SLC38A6: variants seen among roughly 807,000 people sequenced by gnomAD.
SLC38A6 encodes N system amino acid transporter NAT-1.
In SLC38A6, 73 loss-of-function variants were observed where a neutral mutation model predicts 65.0. The ratio of observed to expected loss-of-function variants is 1.12; its 90% CI spans 0.93 to 1.37. SLC38A6 has a LOEUF of 1.37. Among genes scored for constraint, SLC38A6 ranks in the 40% most tolerant of loss-of-function variants. The pLI, the probability that SLC38A6 is intolerant of heterozygous loss-of-function variation, is 0.00. For missense variants in SLC38A6, 561 were observed against 531.1 expected (o/e 1.06, Z -0.55); for synonymous variants, 183 against 178.8 (o/e 1.02, Z -0.19).
chr14:61,029,481 T>C (rs1448425152), intron 5 of SLC38A6, among the ~76,000 whole-genome samples: 5 of 152,138 alleles, frequency 3.3e-5, no homozygotes, highest in African/African-American at 1.2e-4. Flanking sequence ...ACATAATCTC[T>C]GGGAGGAAAG....
At chr14:61,035,991 T>C (rs982810859) in intron 6 of SLC38A6, among the ~76,000 whole-genome samples, 2 of 152,180 alleles carry the variant, frequency 1.3e-5, no homozygotes, top group African/African-American at 4.8e-5. Flanking sequence ...TTTCTCATTC[T>C]GTATTCTAAT....
chr14:61,078,360 A>G (rs951664086), intron 15 of SLC38A6, among the ~76,000 whole-genome samples: 1 of 152,240 alleles, frequency 6.6e-6, no homozygotes, highest in Admixed American at 6.5e-5. Flanking sequence ...AATACTAACA[A>G]TATGTACAGG....
intron 3 of SLC38A6, among the ~76,000 whole-genome samples, chr14:61,005,012 A>G (rs542369073): frequency 4.5e-4 from 69 of 152,172 alleles, no homozygotes; most frequent in African/African-American, 1.5e-3. Flanking sequence ...CTTCATCCCT[A>G]GGATGCAAGG....
chr14:61,039,452 C>A (rs1270320258), intron 8 of SLC38A6, among the ~76,000 whole-genome samples: 1 of 151,620 alleles, frequency 6.6e-6, no homozygotes, highest in African/African-American at 2.4e-5. Flanking sequence ...TTCACTGTGA[C>A]TTACATCTCC....
At chr14:61,077,489 GA>G (rs2043464433) in intron 15 of SLC38A6, among the ~76,000 whole-genome samples, 1 of 151,936 alleles carries the variant, frequency 6.6e-6, no homozygotes, top group African/African-American at 2.4e-5. Context: ...TCAGAATTCA[GA>G]AAAAAACACA....
intron 3 of SLC38A6, among the ~76,000 whole-genome samples, chr14:61,009,928 C>G (rs935415490): frequency 1.4e-4 from 21 of 152,174 alleles, no homozygotes; most frequent in African/African-American, 4.3e-4. Flanking sequence ...AATGGTATTT[C>G]TAGTTCTAGA....
At chr14:61,026,144 G>A (rs774709430) in intron 5 of SLC38A6, among the ~76,000 whole-genome samples, 2 of 152,078 alleles carry the variant, frequency 1.3e-5, no homozygotes, top group Non-Finnish European at 2.9e-5. Flanking sequence ...ATTAGGGTTG[G>A]TTTGTTTTTT....
At chr14:61,048,205 A>G (rs1239246425) in intron 12 of SLC38A6, 1 of 450,620 alleles carries the variant, frequency 2.2e-6, no homozygotes, top group Middle Eastern at 3.3e-4. Flanking sequence ...CTGAGATCTT[A>G]TAAGGGCTAG....
chr14:60,994,568 A>G (rs985880563), intron 3 of SLC38A6, among the ~76,000 whole-genome samples: 2 of 151,368 alleles, frequency 1.3e-5, no homozygotes, highest in African/African-American at 4.9e-5. Context: ...GCTGGGCATG[A>G]TGGCGGGCAC....
chr14:61,051,660 G>C (rs953027151), intron 13 of SLC38A6, 127 bp from the exon 14 acceptor site: 29 of 902,614 alleles, frequency 3.2e-5, no homozygotes, highest in Non-Finnish European at 4.3e-5. Flanking sequence ...AATAGTTTAT[G>C]CTGTATTTTT....
At chr14:61,048,302 G>T (rs1594743986) in intron 12 of SLC38A6, 3 of 357,804 alleles carry the variant, frequency 8.4e-6, no homozygotes, top group South Asian at 2.2e-5. Flanking sequence ...TTAAAGGCAG[G>T]TTTCCTGAAT....
chr14:61,016,097 A>G (rs2039991940), intron 4 of SLC38A6, 141 bp downstream of exon 4: 1 of 531,890 alleles, frequency 1.9e-6, no homozygotes. Flanking sequence ...AGAGAATGAT[A>G]GGAGCAGGCA....
intron 15 of SLC38A6, chr14:61,078,729 ATCT>A (rs1242608143): frequency 1.0e-5 from 1 of 96,686 alleles, no homozygotes; most frequent in Non-Finnish European, 2.1e-5. Flanking sequence ...GACCTCTGGC[ATCT>A]TTTTTTTTTT....
Position 61,052,454 on chromosome 14 carries a change from A to G in SLC38A6, c.*25A>G. 1.9e-6 allele frequency: 3 copies of G among 1,557,912 alleles called. No individual in the cohort carries two copies. Among genetic ancestry groups the G allele is most frequent in the South Asian group, 1.3e-5 (1 of 79,842 alleles). On this transcript the variant is annotated 3_prime_UTR_variant, in exon 16 of 16. Coordinates refer to ENST00000267488, the MANE Select transcript of SLC38A6 (RefSeq NM_153811.3). ...AAAGAAATATTTTCCTACTTCTTAC[A>G]AGAATAATATACCCCTAGTTGCAAG...
intron 2 of SLC38A6, among the ~76,000 whole-genome samples, chr14:60,984,470 A>G (rs1009328803): frequency 4.0e-5 from 6 of 150,988 alleles, no homozygotes; most frequent in African/African-American, 1.5e-4. Flanking sequence ...CTGCAAAATG[A>G]GGAAGTTTGC....
At chr14:60,996,214 A>G (rs2038286190) in intron 3 of SLC38A6, among the ~76,000 whole-genome samples, 2 of 152,236 alleles carry the variant, frequency 1.3e-5, no homozygotes. Context: ...AGAAAACACA[A>G]GGAAAGAAAC....
At chr14:61,001,762 C>T (rs993220136) in intron 3 of SLC38A6, among the ~76,000 whole-genome samples, 1 of 152,184 alleles carries the variant, frequency 6.6e-6, no homozygotes, top group Non-Finnish European at 1.5e-5. Context: ...CCCTCCCCTT[C>T]TTCCTTCTAA....
intron 5 of SLC38A6, among the ~76,000 whole-genome samples, chr14:61,026,340 G>A (rs139595379): frequency 0.013 from 1,947 of 152,056 alleles, 18 homozygotes; most frequent in Non-Finnish European, 0.019. Flanking sequence ...AATCACAGCC[G>A]TAAATACAGT....
At chr14:61,043,838 C>T (rs77482220) in intron 10 of SLC38A6, among the ~76,000 whole-genome samples, 1 of 151,970 alleles carries the variant, frequency 6.6e-6, no homozygotes, top group African/African-American at 2.4e-5. Context: ...TTGCCCTCTG[C>T]ACTTGTAAAG....
Sources: gnomAD v4.1 joint callset for allele counts (sites outside exome capture counted in the v4.1 genomes callset) on GRCh38, gnomAD v4.1.1 for gene constraint, MANE v1.5 for transcripts, NCBI Gene and HGNC (gene_info 2026-07-23, HGNC 2026-07-21) for gene names.